Variants in BOD1L1 observed in about 807,000 individuals in gnomAD.
BOD1L1 encodes the protein biorientation of chromosomes in cell division protein 1-like 1.
A neutral mutation model predicts 240.7 loss-of-function variants in BOD1L1; 86 were observed. The observed-to-expected ratio is 0.36, with a 90% confidence interval of 0.30 to 0.43. The LOEUF is 0.43. Ranked by LOEUF, BOD1L1 falls within the 20% of genes least tolerant of loss-of-function variation. The pLI is 1.00. For missense variants in BOD1L1, 3,554 were observed against 3,643.5 expected (o/e 0.98, Z 0.63); for synonymous variants, 1,268 against 1,272.3 (o/e 1.00, Z 0.07).
Position 13,613,870 on chromosome 4 carries a change from A to G in BOD1L1, c.1175-209T>C, listed in dbSNP as rs1716368333. On this transcript the variant is annotated intron_variant, in intron 4 of 25. Transcript: ENST00000040738. This position sits in a 1 kb window ranked among gnomAD's most constrained non-coding sequence, Gnocchi z 4.0. ...TTAATTTATAATGTATGATATAATA[A>G]TAAAATGAATTTTAAGTAACTGAAG... Among the ~76,000 whole-genome samples, 1 of 152,220 alleles carries G rather than the reference A, an allele frequency of 6.6e-6. No homozygotes were observed. Among genetic ancestry groups the G allele is most frequent in the Admixed American group, 6.5e-5 (1 of 15,280 alleles).
At chr4:13,612,293 TA>T (rs1442343099) in intron 5 of BOD1L1, among the ~76,000 whole-genome samples, 5 of 152,232 alleles carry the variant, frequency 3.3e-5, no homozygotes, top group Non-Finnish European at 7.3e-5. Context: ...AACAAATTTA[TA>T]AGATGCTCTC....
intron 13 of BOD1L1, 106 bp from the exon 14 acceptor site, chr4:13,590,552 T>G (rs1714118662): frequency 1.9e-6 from 1 of 526,096 alleles, no homozygotes; most frequent in Admixed American, 4.0e-5. Context: ...TTTGTACAAA[T>G]GCCAAAAGGA....
At chr4:13,585,684 A>G (rs924537866) in intron 17 of BOD1L1, among the ~76,000 whole-genome samples, 12 of 152,152 alleles carry the variant, frequency 7.9e-5, no homozygotes, top group African/African-American at 2.9e-4. Flanking sequence ...CTCATTTTGA[A>G]TTATAGGTCC....
At position 13,576,948 on chromosome 4, in the gene BOD1L1, A is replaced by G. The variant is rs191479552; in HGVS notation, c.8928T>C (p.Asp2976=). 2 of 1,613,816 alleles carry G rather than the reference A, an allele frequency of 1.2e-6. No homozygotes were observed. Among genetic ancestry groups the G allele is most frequent in the Non-Finnish European group, 1.7e-6 (2 of 1,179,876 alleles). Residue 2976 remains aspartate, a synonymous_variant, in exon 25 of 26, where the codon GAT becomes GAC. Transcript: ENST00000040738. ...CCTGCTCTTTCTTGTCCTCCACTGG[A>G]TCAGAAACTGATTTCTGGCGTTTTC... is the stretch of plus-strand genomic sequence containing the variant. ...PERKRQKSVS[D]PVEDKKEQES...
intron 12 of BOD1L1, among the ~76,000 whole-genome samples, chr4:13,594,138 T>C (rs1205398784): frequency 6.6e-6 from 1 of 152,210 alleles, no homozygotes; most frequent in Non-Finnish European, 1.5e-5. Context: ...ATGCTTTACC[T>C]GAATTTTTCA....
At chr4:13,575,189 G>A (rs935375552) in intron 25 of BOD1L1, among the ~76,000 whole-genome samples, 3 of 151,996 alleles carry the variant, frequency 2.0e-5, no homozygotes, top group Non-Finnish European at 4.4e-5. Flanking sequence ...AAAGTGCTGG[G>A]ATTACAGGTG....
At position 13,600,075 on chromosome 4, in the gene BOD1L1, C is replaced by T. The variant is rs771303422; in HGVS notation, c.6825G>A (p.Glu2275=). 1 of 1,613,408 alleles carries T rather than the reference C, an allele frequency of 6.2e-7. No homozygotes were observed. Among genetic ancestry groups the T allele is most frequent in the East Asian group, 2.2e-5 (1 of 44,838 alleles). The change falls in exon 10 of 26, where the codon GAG becomes GAA. Residue 2275 remains glutamate (E), a synonymous_variant. Coordinates refer to ENST00000040738, the MANE Select transcript of BOD1L1 (RefSeq NM_148894.3). ...EGPVSSAVPQ[E]EGDPSVTPAE... ...CTGGTGTGACTGAGGGGTCGCCTTC[C>T]TCTTGAGGGACAGCACTGGACACTG...
In BOD1L1 at chr4:13,627,491, C is replaced by G. The variant is rs1216075695; in HGVS notation, c.97G>C (p.Gly33Arg). ...GCCCCGCCCGCGCCGGGGCCAGCCC[C>G]GGGGCCCGGCGGCGGCGGCGGTGGC... ...PQPPPPPPGPGAGPGAGGAGG... is the reference protein window; with the variant it reads ...PQPPPPPPGPRAGPGAGGAGG... The change falls in exon 1 of 26, where the codon GGG becomes CGG. Residue 33 changes from glycine (G) to arginine (R), a missense_variant. Gly to Arg is a moderately radical substitution (Grantham distance 125, BLOSUM62 -2). Around this residue, in one of 2 missense-constraint regions of BOD1L1, gnomAD observed 161 missense variants for 216.4 expected, o/e 0.74. Transcript: ENST00000040738. 3 of 996,132 alleles carry G rather than the reference C, an allele frequency of 3.0e-6. No individual in the cohort carries two copies. Among genetic ancestry groups the G allele is most frequent in the African/African-American group, 1.8e-5 (1 of 57,052 alleles). The allele number at this position is 996,132 out of a possible 1,614,324, so 61.7% of individuals were successfully genotyped here.
At chr4:13,608,137 C>T (rs1357785726) in intron 8 of BOD1L1, among the ~76,000 whole-genome samples, 2 of 151,994 alleles carry the variant, frequency 1.3e-5, no homozygotes, top group South Asian at 2.1e-4. Flanking sequence ...GTAAAAATAA[C>T]GGCATGGAAA....
At chr4:13,593,463 C>T (rs1436242063) in intron 12 of BOD1L1, 1 of 151,926 alleles carries the variant, frequency 6.6e-6, no homozygotes, top group East Asian at 1.9e-4. Flanking sequence ...AATTCTATAA[C>T]AATATAAATA....
At chr4:13,570,440 C>A (rs1712122737) in intron 25 of BOD1L1, among the ~76,000 whole-genome samples, 1 of 152,184 alleles carries the variant, frequency 6.6e-6, no homozygotes, top group Non-Finnish European at 1.5e-5. Flanking sequence ...GTTCTTTCAT[C>A]TAGAAAACAA....
At chr4:13,585,994 A>G (rs1359258288) in intron 17 of BOD1L1, among the ~76,000 whole-genome samples, 3 of 152,240 alleles carry the variant, frequency 2.0e-5, no homozygotes, top group Non-Finnish European at 4.4e-5. Flanking sequence ...CAGCATGAGA[A>G]CAGACTAATA....
rs149326971 is a variant in BOD1L1 at position 13,599,265 on chromosome 4, G to A, written c.7635C>T (p.Thr2545=). The A allele has an allele frequency of 3.2e-5, 51 of 1,613,636 alleles. No homozygotes were observed. Among genetic ancestry groups the A allele is most frequent in the South Asian group, 2.1e-4 (19 of 91,048 alleles). ...KADDMPPVQG[T]VAEHSFLPAE... ...CAGGAAGAAAGGAATGCTCAGCCAC[G>A]GTCCCTTGAACAGGTGGCATGTCAT... The change falls in exon 10 of 26, where the codon ACC becomes ACT. Residue 2545 remains threonine, a synonymous_variant. Coordinates refer to ENST00000040738, the MANE Select transcript of BOD1L1 (RefSeq NM_148894.3).
Position 13,605,012 on chromosome 4 carries a change from G to T in BOD1L1, c.1888C>A (p.Pro630Thr), listed in dbSNP as rs780259920. Residue 630 changes from proline to threonine, a missense_variant, in exon 10 of 26, where the codon CCT (proline) becomes ACT (threonine). Pro to Thr is a conservative substitution (Grantham distance 38). Transcript: ENST00000040738. ...AAAGACTCTGAAAGTCTCCGGGCAGGTTTACTTGGTTCACTTTTTGCATGA... is the reference window on the plus strand; with the variant it reads ...AAAGACTCTGAAAGTCTCCGGGCAGTTTTACTTGGTTCACTTTTTGCATGA... ...HVHAKSEPSK[P>T]ARRLSESLHV... 4.2e-5 allele frequency: 68 copies of T among 1,606,244 alleles called. No individual in the cohort carries two copies. In the Middle Eastern group the frequency reaches 1.0e-3, roughly 24 times the overall value.
Position 13,599,358 on chromosome 4 carries a change from C to T in BOD1L1, c.7542G>A (p.Gln2514=). The T allele has an allele frequency of 6.2e-7, 1 of 1,614,006 alleles. No individual in the cohort carries two copies. Among genetic ancestry groups the T allele is most frequent in the South Asian group, 1.1e-5 (1 of 91,078 alleles). The change falls in exon 10 of 26, where the codon CAG becomes CAA. Residue 2514 remains glutamine (Q), a synonymous_variant. Transcript: ENST00000040738. ...TGCTGACAGAGGGATCCTTAGCCGT[C>T]TGCCCAGACGTCTGTTCTGGTCCTC... ...HLRGPEQTSG[Q]TAKDPSVSIR...
In BOD1L1 at chr4:13,599,159, A is replaced by C. The variant is rs372238431; in HGVS notation, c.7741T>G (p.Ser2581Ala). The change falls in exon 10 of 26, where the codon TCC (serine) becomes GCC (alanine). Residue 2581 changes from serine (S) to alanine (A), a missense_variant. Ser to Ala is a moderately conservative substitution (Grantham distance 99). Around this residue, in one of 2 missense-constraint regions of BOD1L1, gnomAD observed 3,393 missense variants for 3,427.1 expected, o/e 0.99. Coordinates refer to ENST00000040738, the MANE Select transcript of BOD1L1 (RefSeq NM_148894.3). ...GTAGCTGGAGGGATCATTGTGTGGGAAGGAGCAATTTTTGATTCTTGGCCA... is the reference window on the plus strand; with the variant it reads ...GTAGCTGGAGGGATCATTGTGTGGGCAGGAGCAATTTTTGATTCTTGGCCA... ...ITGQESKIAP[S>A]HTMIPPATYS... 1.5e-5 allele frequency: 24 copies of C among 1,613,918 alleles called. No individual in the cohort carries two copies. The highest frequency in any genetic ancestry group is 1.9e-5 in the Non-Finnish European group (22 of 1,179,904).
chr4:13,590,916 GCA>G (rs1037464662), intron 13 of BOD1L1, among the ~76,000 whole-genome samples: 2 of 151,916 alleles, frequency 1.3e-5, no homozygotes, highest in African/African-American at 4.8e-5. Flanking sequence ...ACAGACTTTT[GCA>G]CAAATTTGGA....
chr4:13,590,004 T>G (rs937314187), intron 14 of BOD1L1, among the ~76,000 whole-genome samples: 2 of 152,216 alleles, frequency 1.3e-5, no homozygotes, highest in Admixed American at 6.5e-5. Flanking sequence ...CACATAAATG[T>G]GACATCCTTG....
chr4:13,607,001 T>C (rs752947111), intron 9 of BOD1L1, 116 bp downstream of exon 9: 75 of 663,744 alleles, frequency 1.1e-4, no homozygotes, highest in Non-Finnish European at 1.3e-4. Context: ...TGAATGTAAG[T>C]TGACTTTTTA....
Sources: allele counts gnomAD v4.1 joint callset (sites outside exome capture counted in the v4.1 genomes callset), GRCh38; gene constraint gnomAD v4.1.1; regional missense constraint gnomAD v4.1.1; non-coding constraint Gnocchi (gnomAD v3.1); transcripts MANE v1.5; gene names NCBI Gene and HGNC (gene_info 2026-07-23, HGNC 2026-07-21).